Variants in NRG1 observed in about 807,000 individuals in gnomAD.
NRG1 encodes neuregulin 1.
NRG1 carries 18 observed loss-of-function variants against 63.8 expected under a neutral mutation model. The observed-to-expected ratio is 0.28, with a 90% CI of 0.19 to 0.42. The LOEUF (loss-of-function observed/expected upper bound fraction) is 0.42, where lower values mean the gene tolerates loss of function less well. Among genes scored for constraint, NRG1 ranks in the 10% least tolerant of loss-of-function variants. The pLI, the probability that NRG1 is intolerant of heterozygous loss-of-function variation, is 1.00. For missense variants in NRG1, 762 were observed against 814.7 expected (o/e 0.94, Z 0.79); for synonymous variants, 302 against 301.3 (o/e 1.00, Z -0.02).
At chr8:32,407,286 T>C (rs1312405875) in intron 1 of NRG1, among the ~76,000 whole-genome samples, 1 of 3,778 alleles carries the variant, frequency 2.6e-4, no homozygotes, top group African/African-American at 3.8e-4. Context: ...TATATATATA[T>C]ATATATATTA....
At chr8:32,497,919 G>C (rs1274344463) in intron 1 of NRG1, among the ~76,000 whole-genome samples, 1 of 152,166 alleles carries the variant, frequency 6.6e-6, no homozygotes, top group African/African-American at 2.4e-5. Context: ...CCCTTCCCGG[G>C]TTCAAGTGAT....
chr8:32,433,034 A>G lies in NRG1; in HGVS notation c.38-162794A>G, dbSNP rs577813092. ...CCTGTTTATCTGAGTGAGTGCCAAG[A>G]GGTGAGGTCAGGGCAGGGGCTCTTG... On this transcript the variant is annotated intron_variant, in intron 1 of 10. Transcript: ENST00000519301. Among the ~76,000 whole-genome samples, 3 of 152,262 alleles carry G rather than the reference A, an allele frequency of 2.0e-5. No individual in the cohort carries two copies. The East Asian group carries it at 5.8e-4, about 29-fold the overall frequency.
At chr8:32,402,113 A>G (rs1237234202) in intron 1 of NRG1, among the ~76,000 whole-genome samples, 2 of 152,124 alleles carry the variant, frequency 1.3e-5, no homozygotes, top group Non-Finnish European at 2.9e-5. Context: ...GGGTTTTGCC[A>G]TGTTGGCCAG....
intron 1 of NRG1, among the ~76,000 whole-genome samples, chr8:32,337,787 G>A (rs751287624): frequency 1.1e-4 from 17 of 150,128 alleles, no homozygotes; most frequent in Non-Finnish European, 2.2e-4. Flanking sequence ...AATCTATAAA[G>A]TCTGTTTTCT....
At chr8:31,910,676 C>T (rs1352849727) in intron 1 of NRG1, among the ~76,000 whole-genome samples, 1 of 152,110 alleles carries the variant, frequency 6.6e-6, no homozygotes, top group African/African-American at 2.4e-5. Flanking sequence ...ATAGATATTT[C>T]AGAGTTTTGA....
At chr8:32,204,996 T>C (rs1843881865) in intron 1 of NRG1, among the ~76,000 whole-genome samples, 1 of 152,116 alleles carries the variant, frequency 6.6e-6, no homozygotes, top group Non-Finnish European at 1.5e-5. Flanking sequence ...ACTAATTAAA[T>C]AATGTGTGGC....
At chr8:32,360,356 T>C (rs1563358695) in intron 1 of NRG1, among the ~76,000 whole-genome samples, 1 of 152,192 alleles carries the variant, frequency 6.6e-6, no homozygotes. Context: ...ATAATAAAAA[T>C]TTAATAAGCT....
intron 1 of NRG1, among the ~76,000 whole-genome samples, chr8:32,378,841 T>C: frequency 6.9e-6 from 1 of 145,822 alleles, no homozygotes; most frequent in South Asian, 2.4e-4. Context: ...CATTGTTCAA[T>C]TCCCACCTAT....
chr8:32,366,646 A>C (rs1808032988), intron 1 of NRG1, among the ~76,000 whole-genome samples: 1 of 105,426 alleles, frequency 9.5e-6, no homozygotes, highest in Admixed American at 9.8e-5. Context: ...CATATATGTA[A>C]TATATATTGT....
At chr8:31,849,291 T>C (rs1320722046) in intron 1 of NRG1, among the ~76,000 whole-genome samples, 1 of 152,218 alleles carries the variant, frequency 6.6e-6, no homozygotes, top group East Asian at 1.9e-4. Context: ...TTTCCAACCT[T>C]AAATAAGGCT....
At chr8:32,334,256 G>GAAAAT (rs1312017966) in intron 1 of NRG1, among the ~76,000 whole-genome samples, 1 of 152,112 alleles carries the variant, frequency 6.6e-6, no homozygotes, top group Non-Finnish European at 1.5e-5. Flanking sequence ...TGACAGTAGA[G>GAAAAT]AAAATAAAAA....
intron 1 of NRG1, among the ~76,000 whole-genome samples, chr8:32,488,593 T>C (rs561700362): frequency 2.6e-5 from 4 of 151,128 alleles, no homozygotes; most frequent in African/African-American, 9.7e-5. Flanking sequence ...TTGGGCAACA[T>C]GGCAAAACCC....
intron 1 of NRG1, among the ~76,000 whole-genome samples, chr8:32,357,130 G>A (rs1023193691): frequency 1.3e-5 from 2 of 152,130 alleles, no homozygotes; most frequent in South Asian, 2.1e-4. Context: ...TGAGGTTGAT[G>A]GTGTTAACTA....
At chr8:32,153,291 TC>T (rs1339324132) in intron 1 of NRG1, among the ~76,000 whole-genome samples, 7 of 152,148 alleles carry the variant, frequency 4.6e-5, no homozygotes, top group African/African-American at 1.4e-4. Flanking sequence ...TGATATTTTA[TC>T]CCTCCTCTCA....
intron 1 of NRG1, among the ~76,000 whole-genome samples, chr8:32,469,095 G>A (rs17644096): frequency 0.18 from 27,196 of 152,176 alleles, 2,603 homozygotes; most frequent in Non-Finnish European, 0.2. Context: ...TGGAGGTGAT[G>A]TGGAAGTCTG....
intron 1 of NRG1, among the ~76,000 whole-genome samples, chr8:32,123,519 T>A (rs1833727900): frequency 1.3e-5 from 2 of 151,636 alleles, no homozygotes; most frequent in African/African-American, 4.8e-5. Context: ...CTTGGGTATG[T>A]CTTCATTAGC....
At chr8:32,270,989 T>C (rs1039340709) in intron 1 of NRG1, among the ~76,000 whole-genome samples, 27 of 152,232 alleles carry the variant, frequency 1.8e-4, no homozygotes, top group African/African-American at 6.5e-4. Flanking sequence ...TAGGTCTTTT[T>C]ATTTGGGGCT....
At chr8:32,020,611 G>T (rs1816275854) in intron 1 of NRG1, among the ~76,000 whole-genome samples, 1 of 152,068 alleles carries the variant, frequency 6.6e-6, no homozygotes, top group Non-Finnish European at 1.5e-5. Flanking sequence ...ACCATAGTTT[G>T]TATTTAGTAA....
chr8:32,681,277 A>G (rs1048911165), intron 5 of NRG1, among the ~76,000 whole-genome samples: 1 of 152,180 alleles, frequency 6.6e-6, no homozygotes, highest in South Asian at 2.1e-4. Flanking sequence ...AGACCAGGAA[A>G]TCAAAATGCA....
Sources: gnomAD v4.1 joint callset for allele counts (sites outside exome capture counted in the v4.1 genomes callset) on GRCh38, gnomAD v4.1.1 for gene constraint, MANE v1.5 for transcripts, NCBI Gene and HGNC (gene_info 2026-07-23, HGNC 2026-07-21) for gene names.